Variants in SH3TC2 observed in about 807,000 individuals in gnomAD.
SH3TC2 encodes SH3 domain and tetratricopeptide repeats 2.
A neutral mutation model predicts 124.5 loss-of-function variants in SH3TC2; 87 were observed. The ratio of observed to expected loss-of-function variants is 0.70; its 90% CI spans 0.59 to 0.84. SH3TC2 has a LOEUF of 0.84. SH3TC2 is among the 40% of genes least tolerant of loss of function. SH3TC2 has a pLI of 0.00. For synonymous variants in SH3TC2, 634 were observed against 628.5 expected, an observed-to-expected ratio of 1.01 and a Z score of -0.13; for missense variants, 1,536 against 1,566.4, an observed-to-expected ratio of 0.98 and a Z score of 0.33.
At chr5:149,051,671 C>A (rs767823172) in intron 2 of SH3TC2, among the ~76,000 whole-genome samples, 39 of 152,118 alleles carry the variant, frequency 2.6e-4, no homozygotes, top group Non-Finnish European at 4.4e-4. Context: ...CCAGGCTGGG[C>A]CCCAACTCCT....
rs543374482 is a variant in SH3TC2, at chr5:148,995,518, T to A, written c.*9193A>T. On this transcript the variant is annotated 3_prime_UTR_variant, in exon 17 of 17. Transcript: ENST00000515425. ...ACTTATTCTAAACAAACAAAAATTA[T>A]GCTTATTATTCTCAATAAACTTTTG... Among the ~76,000 whole-genome samples, 2 of 151,686 alleles carry A rather than the reference T, an allele frequency of 1.3e-5. No homozygotes were observed. Among genetic ancestry groups the A allele is most frequent in the East Asian group, 1.9e-4 (1 of 5,162 alleles).
intron 7 of SH3TC2, 151 bp downstream of exon 7, chr5:149,040,453 T>A (rs1179364550): frequency 2.7e-6 from 2 of 736,578 alleles, no homozygotes; most frequent in Non-Finnish European, 4.8e-6. Context: ...GGGAAAACCA[T>A]GTGCACAGAC....
Position 149,000,424 on chromosome 5 carries a change from G to A in SH3TC2, c.*4287C>T, listed in dbSNP as rs1223989396. ...AAGGCCTAGGCTGGGTGCTTGCAAT[G>A]AGCAACAGGACCTAGCTTGAAGTTA... On this transcript the variant is annotated 3_prime_UTR_variant, in exon 17 of 17. Transcript: ENST00000515425. Among the ~76,000 whole-genome samples, 1 of 152,182 alleles carries A rather than the reference G, an allele frequency of 6.6e-6. No homozygotes were observed. The highest frequency in any genetic ancestry group is 6.5e-5 in the Admixed American group (1 of 15,290).
In SH3TC2 at chr5:148,993,483, G is replaced by A. The variant is rs950325292; in HGVS notation, c.*11228C>T. 1.3e-5 allele frequency among the ~76,000 whole-genome samples: 2 copies of A among 152,204 alleles called. No homozygotes were observed. The highest frequency in any genetic ancestry group is 2.9e-5 in the Non-Finnish European group (2 of 68,034). ...TTTATCTTGGAGTAAAAATGATTGA[G>A]TAAGCATTAATTAAGAAAATACTTT... On this transcript the variant is annotated 3_prime_UTR_variant, in exon 17 of 17. Transcript: ENST00000515425.
At position 149,022,015 on chromosome 5, in the gene SH3TC2, G is replaced by A. The variant is rs1410514633; in HGVS notation, c.3053+4557C>T. On this transcript the variant is annotated intron_variant, in intron 12 of 16. Coordinates refer to ENST00000515425, the MANE Select transcript of SH3TC2 (RefSeq NM_024577.4). ...TGCAAGCTCCGCCTCCCGGGTTCAC[G>A]CCATTCTCCTGCCTCACAAACTCTT... Among the ~76,000 whole-genome samples the A allele has an allele frequency of 3.8e-4, 14 of 37,128 alleles. 5 individuals are homozygous for A. Among genetic ancestry groups the A allele is most frequent in the South Asian group, 1.9e-3 (2 of 1,062 alleles). The allele number at this position is 37,128 out of a possible 152,430, so 24.4% of individuals were successfully genotyped here. A position where few individuals can be genotyped will look rare whatever the true frequency, so the allele number is the denominator to read the frequency against.
In SH3TC2 at chr5:149,042,797, G is replaced by A; in HGVS notation, c.426C>T (p.His142=). Residue 142 remains histidine, a synonymous_variant, in exon 5 of 17, where the codon CAC becomes CAT. Coordinates refer to ENST00000515425, the MANE Select transcript of SH3TC2 (RefSeq NM_024577.4). ...CCAATATGCAGTTGAGCCAGTACTT[G>A]TGGTCAAAGAGGAGATGTTCTAGAC... is the stretch of plus-strand genomic sequence containing the variant. The part of the protein sequence containing the change: ...SMCLEHLLFD[H]KYWLNCILVE... The A allele has an allele frequency of 1.9e-6, 3 of 1,614,176 alleles. No homozygotes were observed. The highest frequency in any genetic ancestry group is 1.7e-6 in the Non-Finnish European group (2 of 1,180,038).
chr5:149,016,427 T>A (rs1183590233), intron 12 of SH3TC2, among the ~76,000 whole-genome samples: 1 of 139,744 alleles, frequency 7.2e-6, no homozygotes, highest in African/African-American at 3.4e-5. Context: ...TTGAACAAAG[T>A]TTTCTCATGT....
Position 149,054,127 on chromosome 5 carries a change from C to T in SH3TC2, c.53-1887G>A, listed in dbSNP as rs146398349. Among the ~76,000 whole-genome samples the T allele has an allele frequency of 1.6e-4, 25 of 152,258 alleles. No homozygotes were observed. The East Asian group carries it at 4.1e-3, about 25-fold the overall frequency. On this transcript the variant is annotated intron_variant, in intron 1 of 16. Transcript: ENST00000515425. ...TGATGTGATTATTACCCATTGTATA[C>T]ACCTATATCAAAATATCTCATGTAT...
chr5:149,031,345 A>G (rs1206683053), intron 9 of SH3TC2, among the ~76,000 whole-genome samples: 3 of 152,188 alleles, frequency 2.0e-5, no homozygotes, highest in Non-Finnish European at 4.4e-5. Context: ...ATCATGTCTC[A>G]TAGTTCCCCT....
At chr5:149,041,972 A>G (rs1754378696) in intron 5 of SH3TC2, among the ~76,000 whole-genome samples, 1 of 152,216 alleles carries the variant, frequency 6.6e-6, no homozygotes, top group African/African-American at 2.4e-5. Flanking sequence ...TAAAATTAGA[A>G]CCAAAAAAGA....
intron 12 of SH3TC2, among the ~76,000 whole-genome samples, chr5:149,018,281 C>T (rs996649811): frequency 3.9e-5 from 6 of 152,124 alleles, no homozygotes; most frequent in African/African-American, 1.2e-4. Context: ...ATTGCAACCC[C>T]CCGCCCCCAT....
Position 149,041,400 on chromosome 5 carries a change from G to A in SH3TC2, c.731+16C>T. 1.2e-6 allele frequency: 2 copies of A among 1,611,892 alleles called. No individual in the cohort carries two copies. The highest frequency in any genetic ancestry group is 1.7e-6 in the Non-Finnish European group (2 of 1,179,762). On this transcript the variant is annotated intron_variant, in intron 6 of 16. Coordinates refer to ENST00000515425, the MANE Select transcript of SH3TC2 (RefSeq NM_024577.4). ...CTGCTCTGGGACTTGCTCCCAGGAGGCAGATGGCTACTCACTGGTGGAAAG... is the reference window on the plus strand; with the variant it reads ...CTGCTCTGGGACTTGCTCCCAGGAGACAGATGGCTACTCACTGGTGGAAAG...
chr5:149,044,022 A>G (rs376160197), intron 4 of SH3TC2: 3 of 159,890 alleles, frequency 1.9e-5, no homozygotes, highest in African/African-American at 4.8e-5. Context: ...CTGCATCCCA[A>G]TGTCCTTCTT....
At position 148,983,116 on chromosome 5, in the gene SH3TC2, T is replaced by C. The variant is rs1753277059; in HGVS notation, c.*21595A>G. The stretch of plus-strand genomic sequence containing the variant: ...CTCCTGCTAGTCTCACCTTCTGGGA[T>C]CTAATCTGTGGCTAGGCTTTACTTA... On this transcript the variant is annotated 3_prime_UTR_variant, in exon 17 of 17. Transcript: ENST00000515425. Among the ~76,000 whole-genome samples, 1 of 152,268 alleles carries C rather than the reference T, an allele frequency of 6.6e-6. No homozygotes were observed. The highest frequency in any genetic ancestry group is 1.5e-5 in the Non-Finnish European group (1 of 68,042).
chr5:149,032,675 C>A (rs1039837109), intron 8 of SH3TC2, among the ~76,000 whole-genome samples: 2 of 152,126 alleles, frequency 1.3e-5, no homozygotes, highest in African/African-American at 2.4e-5. Flanking sequence ...TGAGGCACAG[C>A]AAAATGAAGT....
At chr5:149,053,872 A>G (rs934955524) in intron 1 of SH3TC2, among the ~76,000 whole-genome samples, 1 of 152,218 alleles carries the variant, frequency 6.6e-6, no homozygotes, top group Non-Finnish European at 1.5e-5. Flanking sequence ...AAAGAGTAGA[A>G]TGATGGTTAC....
Position 148,989,012 on chromosome 5 carries a change from A to C in SH3TC2, c.*15699T>G, listed in dbSNP as rs879306458. On this transcript the variant is annotated 3_prime_UTR_variant, in exon 17 of 17. Transcript: ENST00000515425. ...CCAGACATGAAGGAAATAAAAAAACAACCACCAACCACACACTCATATAAC... is the reference window on the plus strand; with the variant it reads ...CCAGACATGAAGGAAATAAAAAAACCACCACCAACCACACACTCATATAAC... Among the ~76,000 whole-genome samples, 3 of 152,232 alleles carry C rather than the reference A, an allele frequency of 2.0e-5. No individual in the cohort carries two copies. Among genetic ancestry groups the C allele is most frequent in the African/African-American group, 4.8e-5 (2 of 41,466 alleles).
At chr5:149,016,742 G>A (rs1027462146) in intron 12 of SH3TC2, among the ~76,000 whole-genome samples, 7 of 152,052 alleles carry the variant, frequency 4.6e-5, no homozygotes, top group East Asian at 1.9e-4. Context: ...TGGCTAACAC[G>A]GTGAAACCCC....
chr5:149,034,731 C>T (rs565408537), intron 8 of SH3TC2, among the ~76,000 whole-genome samples: 1 of 151,930 alleles, frequency 6.6e-6, no homozygotes, highest in East Asian at 1.9e-4. Context: ...CAAAAATAAT[C>T]AAAGCAAATG....
Sources: gnomAD v4.1 joint callset for allele counts (sites outside exome capture counted in the v4.1 genomes callset) on GRCh38, gnomAD v4.1.1 for gene constraint, MANE v1.5 for transcripts, NCBI Gene and HGNC (gene_info 2026-07-23, HGNC 2026-07-21) for gene names.